Variants in GRM8 observed in about 807,000 individuals in gnomAD.
GRM8 encodes the protein glutamate metabotropic receptor 8.
In GRM8, 47 loss-of-function variants were observed where a neutral mutation model predicts 87.2. The ratio of observed to expected loss-of-function variants is 0.54; its 90% CI spans 0.43 to 0.69. The LOEUF (loss-of-function observed/expected upper bound fraction) is 0.69. Ranked by LOEUF, GRM8 falls within the 30% of genes least tolerant of loss-of-function variation. The pLI, the probability that GRM8 is intolerant of heterozygous loss-of-function variation, is 0.00. For synonymous variants in GRM8, 396 were observed against 404.5 expected (o/e 0.98, Z 0.25); for missense variants, 1,019 against 1,139.2 (o/e 0.89, Z 1.52).
chr7:127,142,473 A>C (rs1462334675), intron 2 of GRM8, among the ~76,000 whole-genome samples: 1 of 152,200 alleles, frequency 6.6e-6, no homozygotes, highest in Non-Finnish European at 1.5e-5. Context: ...CAAATTGCAG[A>C]TCATAACCCT....
intron 6 of GRM8, among the ~76,000 whole-genome samples, chr7:126,880,770 C>T (rs1470974547): frequency 4.6e-5 from 7 of 152,154 alleles, no homozygotes; most frequent in Admixed American, 3.3e-4. Context: ...TTTTAAAAGC[C>T]TTTTAACTGT....
At chr7:126,552,121 A>T (rs1220827036) in intron 8 of GRM8, among the ~76,000 whole-genome samples, 1 of 152,106 alleles carries the variant, frequency 6.6e-6, no homozygotes, top group Non-Finnish European at 1.5e-5. Context: ...TTCTTCAAGA[A>T]TTATTTCAAA....
At chr7:127,116,398 T>G (rs1826703235) in intron 2 of GRM8, among the ~76,000 whole-genome samples, 1 of 152,112 alleles carries the variant, frequency 6.6e-6, no homozygotes, top group African/African-American at 2.4e-5. Context: ...TAGCTCCCAC[T>G]ACATGCCAGA....
chr7:126,830,006 T>C (rs1186825234), intron 6 of GRM8, among the ~76,000 whole-genome samples: 6 of 152,200 alleles, frequency 3.9e-5, no homozygotes, highest in African/African-American at 7.2e-5. Context: ...AAAATTCTTT[T>C]CTTTAAGAAT....
intron 2 of GRM8, among the ~76,000 whole-genome samples, chr7:127,162,956 G>A (rs1450172189): frequency 6.6e-6 from 1 of 152,174 alleles, no homozygotes; most frequent in Non-Finnish European, 1.5e-5. Flanking sequence ...TCACAGAGTA[G>A]ATTATTGTAT....
At chr7:127,119,278 G>C (rs1393716151) in intron 2 of GRM8, among the ~76,000 whole-genome samples, 2 of 152,076 alleles carry the variant, frequency 1.3e-5, no homozygotes, top group Non-Finnish European at 2.9e-5. Context: ...TTGAGGTCAG[G>C]AGTTCAAGAC....
At chr7:126,611,202 G>C (rs2299477) in intron 7 of GRM8, among the ~76,000 whole-genome samples, 48,719 of 152,010 alleles carry the variant, frequency 0.32, 8,436 homozygotes, top group East Asian at 0.43. Flanking sequence ...CTTATATATG[G>C]AAGTAGAACC....
At chr7:126,571,742 A>ATTT (rs202148877) in intron 8 of GRM8, among the ~76,000 whole-genome samples, 1 of 141,126 alleles carries the variant, frequency 7.1e-6, no homozygotes. Context: ...AATATACAGG[A>ATTT]TTTTTTTTTT....
chr7:127,055,488 T>C (rs1819891709), intron 3 of GRM8, among the ~76,000 whole-genome samples: 1 of 152,186 alleles, frequency 6.6e-6, no homozygotes, highest in Non-Finnish European at 1.5e-5. Flanking sequence ...ATTAAGTCAC[T>C]AGTGGGAGCT....
chr7:126,654,247 TTG>T (rs367547335), intron 7 of GRM8, among the ~76,000 whole-genome samples: 59 of 152,346 alleles, frequency 3.9e-4, no homozygotes, highest in African/African-American at 1.4e-3. Flanking sequence ...CCCTGGTGAC[TTG>T]TGTGTGAACA....
chr7:126,618,854 C>T (rs1311543574), intron 7 of GRM8, among the ~76,000 whole-genome samples: 2 of 152,088 alleles, frequency 1.3e-5, no homozygotes, highest in African/African-American at 2.4e-5. Context: ...GAATGGCGAT[C>T]ATTAAAAAGT....
chr7:127,092,161 C>G (rs2132918062), intron 3 of GRM8, among the ~76,000 whole-genome samples: 1 of 151,764 alleles, frequency 6.6e-6, no homozygotes, highest in Admixed American at 6.6e-5. Context: ...TTTTGCTTAT[C>G]TCTCCCTACC....
intron 3 of GRM8, among the ~76,000 whole-genome samples, chr7:127,015,116 GAGA>G (rs1285114077): frequency 7.4e-6 from 1 of 134,676 alleles, no homozygotes; most frequent in Admixed American, 7.9e-5. Flanking sequence ...AAGGAAGAAG[GAGA>G]AGAAGGAGAA....
At chr7:127,121,901 G>A (rs1827111403) in intron 2 of GRM8, among the ~76,000 whole-genome samples, 1 of 152,148 alleles carries the variant, frequency 6.6e-6, no homozygotes. Flanking sequence ...GGGACACAGA[G>A]CCAAACCATA....
At chr7:127,024,479 T>C (rs2132244640) in intron 3 of GRM8, among the ~76,000 whole-genome samples, 1 of 152,182 alleles carries the variant, frequency 6.6e-6, no homozygotes, top group East Asian at 1.9e-4. Context: ...AGCTAGTTAC[T>C]GTGGAACTGG....
intron 3 of GRM8, among the ~76,000 whole-genome samples, chr7:127,071,576 G>A (rs1158024359): frequency 1.3e-5 from 2 of 152,116 alleles, no homozygotes; most frequent in South Asian, 2.1e-4. Context: ...TTCATTAGTT[G>A]GTCGGACTGG....
intron 3 of GRM8, among the ~76,000 whole-genome samples, chr7:126,966,446 C>T (rs1204585): frequency 1.3e-5 from 2 of 152,002 alleles, no homozygotes; most frequent in Non-Finnish European, 2.9e-5. Context: ...GAGATTTCCT[C>T]AAGTTGTTTG....
chr7:126,590,045 A>G (rs1796531626), intron 8 of GRM8, among the ~76,000 whole-genome samples: 1 of 152,096 alleles, frequency 6.6e-6, no homozygotes, highest in African/African-American at 2.4e-5. Flanking sequence ...GATATGCCAG[A>G]AAAAGAATTC....
chr7:126,750,061 C>A (rs1467204798), intron 7 of GRM8, among the ~76,000 whole-genome samples: 1 of 152,062 alleles, frequency 6.6e-6, no homozygotes, highest in African/African-American at 2.4e-5. Flanking sequence ...AAGCTTTATT[C>A]TTCACGGGGA....
Sources: allele counts gnomAD v4.1 joint callset (sites outside exome capture counted in the v4.1 genomes callset), GRCh38; gene constraint gnomAD v4.1.1; transcripts MANE v1.5; gene names NCBI Gene and HGNC (gene_info 2026-07-23, HGNC 2026-07-21).